KIAA1217: variants seen among roughly 807,000 people sequenced by gnomAD.
The protein encoded by KIAA1217 is KIAA1217, also known as sickle tail protein homolog.
A neutral mutation model predicts 163.9 loss-of-function variants in KIAA1217; 88 were observed. The ratio of observed to expected loss-of-function variants is 0.54; its 90% confidence interval spans 0.45 to 0.64. The LOEUF (loss-of-function observed/expected upper bound fraction) is 0.64. KIAA1217 is among the 30% of genes least tolerant of loss of function. The pLI is 0.00. For missense variants in KIAA1217, 2,372 were observed against 2,475.0 expected (o/e 0.96, Z 0.88); for synonymous variants, 903 against 923.1 (o/e 0.98, Z 0.39).
intron 2 of KIAA1217, among the ~76,000 whole-genome samples, chr10:24,086,812 C>G (rs1211493856): frequency 6.6e-6 from 1 of 152,106 alleles, no homozygotes; most frequent in Non-Finnish European, 1.5e-5. Context: ...GATCTTTGCT[C>G]CTGGTTTCCT....
At chr10:24,475,967 A>G (rs1283626014) in intron 6 of KIAA1217, among the ~76,000 whole-genome samples, 1 of 152,210 alleles carries the variant, frequency 6.6e-6, no homozygotes, top group Non-Finnish European at 1.5e-5. Flanking sequence ...TGTCTCCTGC[A>G]TATAATGTTG....
At chr10:24,263,887 C>T (rs1196839779) in intron 2 of KIAA1217, among the ~76,000 whole-genome samples, 2 of 151,952 alleles carry the variant, frequency 1.3e-5, no homozygotes, top group Admixed American at 6.6e-5. Context: ...GACAGAATCT[C>T]GCTCTGTCAA....
chr10:24,181,533 G>A (rs1482325792), intron 2 of KIAA1217, among the ~76,000 whole-genome samples: 2 of 152,204 alleles, frequency 1.3e-5, no homozygotes, highest in South Asian at 2.1e-4. Context: ...CCATGATAAG[G>A]AGTTTGGAAC....
intron 1 of KIAA1217, among the ~76,000 whole-genome samples, chr10:23,736,887 C>G (rs759341013): frequency 2.0e-5 from 3 of 152,150 alleles, no homozygotes; most frequent in Non-Finnish European, 2.9e-5. Context: ...TCAGCAGTTT[C>G]TGGGCTATTC....
chr10:23,937,077 G>A (rs115051560), intron 1 of KIAA1217, among the ~76,000 whole-genome samples: 3,858 of 152,186 alleles, frequency 0.025, 162 homozygotes, highest in African/African-American at 0.087. Context: ...TTTTCGCCGT[G>A]TTAGGCAGGC....
rs1326752249 is a variant in KIAA1217 at position 23,695,803 on chromosome 10, G to T, written c.-321+569G>T. ...AGACGCTCCAGACTCTCCGGAGGCG[G>T]CAGAGGTCGAGGCAGGAGGCGAATG... On this transcript the variant is annotated intron_variant, in intron 1 of 18. Transcript: ENST00000376462. The surrounding 1 kb of genome is among the most constrained non-coding windows in gnomAD (Gnocchi z 4.9). 6.6e-6 allele frequency among the ~76,000 whole-genome samples: 1 copy of T among 152,236 alleles called. No individual in the cohort carries two copies. The highest frequency in any genetic ancestry group is 2.4e-5 in the African/African-American group (1 of 41,478).
At chr10:23,946,545 T>G (rs1032749166) in intron 1 of KIAA1217, among the ~76,000 whole-genome samples, 5 of 152,216 alleles carry the variant, frequency 3.3e-5, no homozygotes, top group Admixed American at 6.5e-5. Context: ...ATAATTCATG[T>G]CTTTACCTTC....
chr10:23,892,135 T>A (rs1364174430), intron 1 of KIAA1217, among the ~76,000 whole-genome samples: 1 of 151,980 alleles, frequency 6.6e-6, no homozygotes, highest in Admixed American at 6.6e-5. Flanking sequence ...ATGCCTTTCT[T>A]ATTGAATGTT....
chr10:24,406,367 ATATGCAAAGGTACATT>A (rs2057210960), intron 3 of KIAA1217, among the ~76,000 whole-genome samples: 1 of 151,156 alleles, frequency 6.6e-6, no homozygotes, highest in African/African-American at 2.4e-5. Flanking sequence ...TGAATTCTAA[ATATGCAAAGGTACATT>A]CACACACAAA....
intron 2 of KIAA1217, among the ~76,000 whole-genome samples, chr10:24,331,572 C>T (rs1181024143): frequency 6.6e-6 from 1 of 152,180 alleles, no homozygotes; most frequent in African/African-American, 2.4e-5. Context: ...TCAGGATGAA[C>T]AAAGCGTGGC....
At position 23,822,047 on chromosome 10, in the gene KIAA1217, C is replaced by T. The variant is rs1018131623; in HGVS notation, c.-321+126813C>T. 3.5e-4 allele frequency among the ~76,000 whole-genome samples: 53 copies of T among 152,134 alleles called. 2 individuals carry two copies. Among genetic ancestry groups the T allele is most frequent in the Admixed American group, 3.1e-3 (47 of 15,262 alleles). On this transcript the variant is annotated intron_variant, in intron 1 of 18. Coordinates refer to the KIAA1217 transcript ENST00000376462. Reference sequence around the variant, plus strand: ...AGATCTCCTAGACAATAAGTAAGAGCGGGTGCAGGCACCACAGCTCCACAC... The same window carrying T: ...AGATCTCCTAGACAATAAGTAAGAGTGGGTGCAGGCACCACAGCTCCACAC...
At chr10:23,827,605 C>T (rs1455486944) in intron 1 of KIAA1217, among the ~76,000 whole-genome samples, 3 of 152,176 alleles carry the variant, frequency 2.0e-5, no homozygotes, top group African/African-American at 7.2e-5. Flanking sequence ...GTGTCTCTGC[C>T]TGGATGCCTT....
At chr10:24,408,375 C>G in intron 3 of KIAA1217, among the ~76,000 whole-genome samples, 1 of 152,160 alleles carries the variant, frequency 6.6e-6, no homozygotes, top group East Asian at 1.9e-4. Context: ...TACTCCTAAT[C>G]CACCACCACC....
intron 3 of KIAA1217, among the ~76,000 whole-genome samples, chr10:24,420,785 C>G (rs1185391240): frequency 2.0e-5 from 3 of 152,116 alleles, no homozygotes; most frequent in East Asian, 1.9e-4. Context: ...AGTCATTTCT[C>G]TATGGGTTTG....
chr10:24,246,038 C>G (rs974439208), intron 2 of KIAA1217, among the ~76,000 whole-genome samples: 1 of 152,080 alleles, frequency 6.6e-6, no homozygotes, highest in African/African-American at 2.4e-5. Context: ...TTAATTGTCT[C>G]TTTGAATTTT....
intron 2 of KIAA1217, among the ~76,000 whole-genome samples, chr10:24,101,745 A>C (rs2062425347): frequency 6.6e-6 from 1 of 152,154 alleles, no homozygotes. Flanking sequence ...TAGTATTTTC[A>C]TTTGGAAATT....
At chr10:24,519,768 T>C (rs879550968) in intron 10 of KIAA1217, among the ~76,000 whole-genome samples, 5 of 152,032 alleles carry the variant, frequency 3.3e-5, no homozygotes, top group Non-Finnish European at 5.9e-5. Context: ...TTTCTCTCTT[T>C]CTCCCTCTCT....
chr10:23,857,837 G>A (rs532868720), intron 1 of KIAA1217, among the ~76,000 whole-genome samples: 1 of 151,986 alleles, frequency 6.6e-6, no homozygotes, highest in South Asian at 2.1e-4. Flanking sequence ...ATATATGTAT[G>A]TATTTATAGA....
intron 1 of KIAA1217, among the ~76,000 whole-genome samples, chr10:23,759,411 G>T (rs1456539115): frequency 6.6e-6 from 1 of 151,958 alleles, no homozygotes; most frequent in Non-Finnish European, 1.5e-5. Context: ...TCTTTTTCTT[G>T]CCTATCGGCT....
Sources: gnomAD v4.1 joint callset for allele counts (sites outside exome capture counted in the v4.1 genomes callset) on GRCh38, gnomAD v4.1.1 for gene constraint, Gnocchi (gnomAD v3.1) non-coding constraint, MANE v1.5 for transcripts, NCBI Gene and HGNC (gene_info 2026-07-23, HGNC 2026-07-21) for gene names.